The following GPR35 variants were observed in gnomAD, a reference collection of about 807,000 sequenced individuals.
GPR35 encodes G protein-coupled receptor 35.
For missense variants in GPR35, 372 were observed against 422.5 expected, an observed-to-expected ratio of 0.88 and a Z score of 1.05; for synonymous variants, 207 against 198.4, an observed-to-expected ratio of 1.04 and a Z score of -0.36.
At chr2:240,628,476 G>A (rs1436211771) in intron 1 of GPR35, 1 of 152,268 alleles carries the variant, frequency 6.6e-6, no homozygotes, top group East Asian at 1.9e-4. Flanking sequence ...TTCACCAGAG[G>A]TGGGATCTAA....
At position 240,616,952 on chromosome 2, in the gene GPR35, T is replaced by C. The variant is rs767487586; in HGVS notation, c.-452-138T>C. ...TTGGGGTCCTCAGGCCAGCTGCCCA[T>C]TGGGAATGAAACTCTACCAACAGCC... On this transcript the variant is annotated intron_variant, in intron 3 of 5. Coordinates refer to the GPR35 transcript ENST00000319838. The C allele has an allele frequency of 3.1e-5, 24 of 774,138 alleles. No homozygotes were observed. The East Asian group carries it at 4.9e-4, about 16-fold the overall frequency. The allele number at this position is 774,138 out of a possible 1,614,324, so 48.0% of individuals were successfully genotyped here.
At chr2:240,626,399 G>C in intron 1 of GPR35, among the ~76,000 whole-genome samples, 1 of 151,352 alleles carries the variant, frequency 6.6e-6, no homozygotes, top group South Asian at 2.1e-4. Context: ...GTCTCAGAGT[G>C]GGGTGAGGCT....
chr2:240,630,159 G>T lies in GPR35; in HGVS notation c.207G>T (p.Leu69=). The T allele has an allele frequency of 6.3e-7, 1 of 1,596,782 alleles. No homozygotes were observed. The change falls in exon 2 of 2, where the codon CTG becomes CTT. Residue 69 remains leucine (L), a synonymous_variant. Transcript: ENST00000407714. ...MTNLAVADLC[L]LCTLPFVLHS... ...ACCTGGCGGTGGCCGACCTCTGCCT[G>T]CTGTGCACCTTGCCCTTCGTGCTGC... is the stretch of plus-strand genomic sequence containing the variant.
intron 2 of GPR35, chr2:240,607,077 T>C (rs2043142002): frequency 6.6e-6 from 1 of 152,224 alleles, no homozygotes; most frequent in Non-Finnish European, 1.5e-5. Flanking sequence ...GGCATGGTGC[T>C]TAATGCTTGA....
exon 4 of GPR35, chr2:240,617,120 C>T (rs1053335398): frequency 2.0e-5 from 14 of 696,354 alleles, no homozygotes; most frequent in South Asian, 4.6e-5. Flanking sequence ...TGAATCTCCT[C>T]GTAGCTGAGC....
At chr2:240,614,809 T>C (rs1238171446) in intron 2 of GPR35, among the ~76,000 whole-genome samples, 1 of 152,174 alleles carries the variant, frequency 6.6e-6, no homozygotes, top group Non-Finnish European at 1.5e-5. Flanking sequence ...AGAGTGTGTG[T>C]GTATGTGCAC....
At chr2:240,624,723 C>A (rs1453588950), upstream of GPR35, among the ~76,000 whole-genome samples, 1 of 152,218 alleles carries the variant, frequency 6.6e-6, no homozygotes, top group South Asian at 2.1e-4. Context: ...GGACAGGGCC[C>A]AGGAAGGGGG....
chr2:240,614,165 C>G (rs946381399), intron 2 of GPR35, among the ~76,000 whole-genome samples: 1 of 152,116 alleles, frequency 6.6e-6, no homozygotes, highest in Non-Finnish European at 1.5e-5. Context: ...CTAACCCTAA[C>G]TCCAACCCAA....
chr2:240,630,339 C>A lies in GPR35; in HGVS notation c.387C>A (p.Ser129=). 1 of 1,599,028 alleles carries A rather than the reference C, an allele frequency of 6.3e-7. No homozygotes were observed. Among genetic ancestry groups the A allele is most frequent in the Non-Finnish European group, 8.5e-7 (1 of 1,175,588 alleles). Residue 129 remains serine (S), a synonymous_variant, in exon 2 of 2, where the codon TCC becomes TCA. Transcript: ENST00000407714. Reference sequence around the variant, plus strand: ...CGCTGCGTGCCCGCGGGCTGCGGTCCCCCAGGCAGGCTGCGGCCGTGTGCG... The same window carrying A: ...CGCTGCGTGCCCGCGGGCTGCGGTCACCCAGGCAGGCTGCGGCCGTGTGCG... ...RHPLRARGLR[S]PRQAAAVCAV...
In GPR35 at chr2:240,612,008, G is replaced by A. The variant is rs535988396; in HGVS notation, c.-576-4380G>A. Among the ~76,000 whole-genome samples, 6 of 152,218 alleles carry A rather than the reference G, an allele frequency of 3.9e-5. No homozygotes were observed. The South Asian group carries it at 8.3e-4, about 21-fold the overall frequency. On this transcript the variant is annotated intron_variant, in intron 2 of 5. Coordinates refer to the GPR35 transcript ENST00000319838. ...GAAGCGTGTGTCATGGAGGCCACAC[G>A]AGGAAGTGGCTTTGTGGTTACTTCT... is the stretch of plus-strand genomic sequence containing the variant.
chr2:240,631,326 T>G lies in GPR35; in HGVS notation c.*444T>G. The G allele has an allele frequency of 4.8e-6, 1 of 206,218 alleles. No individual in the cohort carries two copies. The highest frequency in any genetic ancestry group is 1.1e-5 in the Non-Finnish European group (1 of 92,150). The allele number at this position is 206,218 out of a possible 1,614,324, so 12.8% of individuals were successfully genotyped here. A position where few individuals can be genotyped will look rare whatever the true frequency, so the allele number is the denominator to read the frequency against. ...GGAGGGAGCGCGTGGCTCAGAGGGC[T>G]GGCGGACATCTTCCAGGGACCCTTC... On this transcript the variant is annotated 3_prime_UTR_variant, in exon 2 of 2. Transcript: ENST00000407714.
chr2:240,624,513 C>G (rs1490011739), upstream of GPR35, among the ~76,000 whole-genome samples: 2 of 152,222 alleles, frequency 1.3e-5, no homozygotes, highest in Non-Finnish European at 2.9e-5. Context: ...GAGGCCCAGG[C>G]ACTGGTCTCA....
At chr2:240,612,311 C>T (rs1015982183) in intron 2 of GPR35, among the ~76,000 whole-genome samples, 12 of 151,338 alleles carry the variant, frequency 7.9e-5, no homozygotes, top group African/African-American at 2.9e-4. Flanking sequence ...CCTGTAGTCT[C>T]AGCTACTCGG....
Position 240,609,964 on chromosome 2 carries a change from C to CTT in GPR35, c.-577+3364_-577+3365dup, listed in dbSNP as rs879882240. 8.0e-3 allele frequency among the ~76,000 whole-genome samples: 1,163 copies of CTT among 144,574 alleles called. 14 individuals are homozygous for CTT. The highest frequency in any genetic ancestry group is 0.028 in the African/African-American group (1,102 of 39,648). 94.8% of individuals were successfully genotyped at this position (144,574 alleles called of 152,430 possible). On this transcript the variant is annotated intron_variant, in intron 2 of 5. Transcript: ENST00000319838. Reference sequence around the variant, plus strand: ...TGACCCTTTTTTCATATGAAATATCCTTTTTTTTTTTTTGAGATGGAGTCT... The same window carrying CTT: ...TGACCCTTTTTTCATATGAAATATCCTTTTTTTTTTTTTTTGAGATGGAGTCT...
intron 2 of GPR35, among the ~76,000 whole-genome samples, chr2:240,609,990 C>A (rs538649218): frequency 6.7e-6 from 1 of 149,812 alleles, no homozygotes; most frequent in Non-Finnish European, 1.5e-5. Flanking sequence ...GATGGAGTCT[C>A]GCTCTGTCAA....
rs2043462063 is a variant in GPR35, at chr2:240,632,649, AC to A, written c.*1771del. On this transcript the variant is annotated 3_prime_UTR_variant, in exon 2 of 2. Transcript: ENST00000407714. ...CCCAGGAAGGACCATGTCAAGGAGA[AC>A]CCCATGCCCATGAGGGTCCATGCCC... is the stretch of plus-strand genomic sequence containing the variant. 6.8e-6 allele frequency among the ~76,000 whole-genome samples: 1 copy of A among 147,766 alleles called. No individual in the cohort carries two copies. Among genetic ancestry groups the A allele is most frequent in the Admixed American group, 6.7e-5 (1 of 14,940 alleles).
upstream of GPR35, among the ~76,000 whole-genome samples, chr2:240,621,334 A>G (rs924058398): frequency 1.1e-4 from 17 of 152,074 alleles, no homozygotes; most frequent in African/African-American, 3.9e-4. Context: ...GGCTCACCAC[A>G]ACCTCCGCCT....
chr2:240,625,781 CAGGGT>C (rs2043365087), intron 1 of GPR35, among the ~76,000 whole-genome samples: 8 of 22,066 alleles, frequency 3.6e-4, no homozygotes, highest in African/African-American at 1.1e-3. Flanking sequence ...GGTCTCAGAG[CAGGGT>C]GAGGCTGTGA....
chr2:240,623,725 C>T (rs114763324), upstream of GPR35, among the ~76,000 whole-genome samples: 850 of 152,192 alleles, frequency 5.6e-3, 9 homozygotes, highest in African/African-American at 0.019. Context: ...CTGGGGACAG[C>T]GTTTCCTGTA....
Sources: allele counts gnomAD v4.1 joint callset (sites outside exome capture counted in the v4.1 genomes callset), GRCh38; gene constraint gnomAD v4.1.1; transcripts MANE v1.5; gene names NCBI Gene and HGNC (gene_info 2026-07-23, HGNC 2026-07-21).